Variants in TCF7L1 observed in about 807,000 individuals in gnomAD.
TCF7L1 encodes transcription factor 7 like 1.
In TCF7L1, 18 loss-of-function variants were observed where a neutral mutation model predicts 63.7. That is an observed-to-expected ratio of 0.28 (90% CI 0.20 to 0.42). The LOEUF (loss-of-function observed/expected upper bound fraction) is 0.42. Among genes scored for constraint, TCF7L1 ranks in the 10% least tolerant of loss-of-function variants. The pLI is 1.00. For synonymous variants in TCF7L1, 355 were observed against 340.9 expected (o/e 1.04, Z -0.46); for missense variants, 654 against 779.3 (o/e 0.84, Z 1.91).
At position 85,214,430 on chromosome 2, in the gene TCF7L1, G is replaced by A. The variant is rs1025509084; in HGVS notation, c.442-69065G>A. On this transcript the variant is annotated intron_variant, in intron 3 of 11. Coordinates refer to ENST00000282111, the MANE Select transcript of TCF7L1 (RefSeq NM_031283.3). ...CCGATAGGACTAGTTGTGTTATCTC[G>A]AGTTTTCGTTGTTGGTAGTTTTGAA... Among the ~76,000 whole-genome samples, 9 of 152,296 alleles carry A rather than the reference G, an allele frequency of 5.9e-5. No homozygotes were observed. In the South Asian group the frequency reaches 1.5e-3, roughly 25 times the overall value.
chr2:85,226,335 A>C (rs554769268), intron 3 of TCF7L1, among the ~76,000 whole-genome samples: 1 of 152,314 alleles, frequency 6.6e-6, no homozygotes, highest in African/African-American at 2.4e-5. Context: ...TGATTGGAAT[A>C]GTTTCAGAAG....
Position 85,308,378 on chromosome 2 carries a change from T to A in TCF7L1, c.1334-651T>A, listed in dbSNP as rs78480770. Among the ~76,000 whole-genome samples, 149 of 125,556 alleles carry A rather than the reference T, an allele frequency of 1.2e-3. 3 individuals are homozygous for A. The highest frequency in any genetic ancestry group is 1.6e-3 in the Non-Finnish European group (91 of 58,296). 82.4% of individuals were successfully genotyped at this position (125,556 alleles called of 152,430 possible). On this transcript the variant is annotated intron_variant, in intron 11 of 11. Coordinates refer to ENST00000282111, the MANE Select transcript of TCF7L1 (RefSeq NM_031283.3). ...CTCCCTCCCTTTCTTCCTCCCTCCC[T>A]TTCACCTTCCCTCCCATTCTCCTTC...
chr2:85,258,917 C>T (rs924209913), intron 3 of TCF7L1, among the ~76,000 whole-genome samples: 6 of 152,216 alleles, frequency 3.9e-5, no homozygotes, highest in Admixed American at 6.5e-5. Flanking sequence ...AACATGAATA[C>T]GTTGGTTCTA....
intron 3 of TCF7L1, among the ~76,000 whole-genome samples, chr2:85,236,172 C>T (rs543604540): frequency 3.0e-5 from 4 of 134,568 alleles, no homozygotes; most frequent in South Asian, 4.2e-4. Flanking sequence ...CATCCCCCCC[C>T]CAAAAAAAAC....
rs557264302 is a variant in TCF7L1, at chr2:85,133,950, G to A, written c.249+17G>A. ...GACTCGGAGGTAAGGAAGCACCGCG[G>A]CCACCCCCGGGGGATCCCGGCCCTG... On this transcript the variant is annotated intron_variant, in intron 1 of 11. Transcript: ENST00000282111. The surrounding 1 kb of genome is among the most constrained non-coding windows in gnomAD (Gnocchi z 4.4). 1.9e-6 allele frequency: 3 copies of A among 1,552,994 alleles called. No homozygotes were observed. The Admixed American group carries it at 5.6e-5, about 29-fold the overall frequency.
intron 3 of TCF7L1, among the ~76,000 whole-genome samples, chr2:85,252,937 T>C (rs1254369178): frequency 6.6e-6 from 1 of 152,218 alleles, no homozygotes; most frequent in African/African-American, 2.4e-5. Context: ...TGATCTCTAT[T>C]GCTTTACTTT....
At chr2:85,298,916 T>TA (rs1681896657) in intron 4 of TCF7L1, among the ~76,000 whole-genome samples, 1 of 152,010 alleles carries the variant, frequency 6.6e-6, no homozygotes, top group Non-Finnish European at 1.5e-5. Flanking sequence ...ACTATCTACT[T>TA]ACCGCCTTCC....
At chr2:85,141,101 C>T (rs1407534564) in intron 3 of TCF7L1, among the ~76,000 whole-genome samples, 1 of 152,112 alleles carries the variant, frequency 6.6e-6, no homozygotes, top group Non-Finnish European at 1.5e-5. Flanking sequence ...GCCTGTACAA[C>T]ATTGCAAGAC....
intron 3 of TCF7L1, among the ~76,000 whole-genome samples, chr2:85,225,313 G>T (rs1229293490): frequency 6.6e-6 from 1 of 152,190 alleles, no homozygotes; most frequent in Admixed American, 6.5e-5. Flanking sequence ...ATTCTGTGAA[G>T]AAAGTCAGTG....
chr2:85,251,091 T>C (rs988368116), intron 3 of TCF7L1, among the ~76,000 whole-genome samples: 1 of 152,254 alleles, frequency 6.6e-6, no homozygotes, highest in African/African-American at 2.4e-5. Flanking sequence ...ATTTAGGAGT[T>C]AAACAGATGG....
At chr2:85,251,883 G>A (rs111534217) in intron 3 of TCF7L1, among the ~76,000 whole-genome samples, 1,962 of 152,194 alleles carry the variant, frequency 0.013, 34 homozygotes, top group Non-Finnish European at 0.019. Flanking sequence ...AGACCAGCCT[G>A]GGTAACACAG....
At chr2:85,272,667 T>C (rs1197400785) in intron 3 of TCF7L1, among the ~76,000 whole-genome samples, 2 of 151,666 alleles carry the variant, frequency 1.3e-5, no homozygotes, top group African/African-American at 4.8e-5. Flanking sequence ...GTGTGGTGCT[T>C]GCCTGTAGTC....
intron 3 of TCF7L1, among the ~76,000 whole-genome samples, chr2:85,163,359 A>T (rs772584273): frequency 1.3e-5 from 2 of 152,234 alleles, no homozygotes; most frequent in Middle Eastern, 6.8e-3. Flanking sequence ...CCATAAGACC[A>T]TGGGCTGGTG....
chr2:85,134,802 G>A lies in TCF7L1; in HGVS notation c.441+352G>A, dbSNP rs898664941. Among the ~76,000 whole-genome samples the A allele has an allele frequency of 2.6e-5, 4 of 152,136 alleles. No individual in the cohort carries two copies. Among genetic ancestry groups the A allele is most frequent in the Admixed American group, 2.6e-4 (4 of 15,274 alleles). ...CTTGGAAATCGGTCAGCTTTCTCTG[G>A]CAGTGGGGCAAGGGGCCTAGGGAGC... is the stretch of plus-strand genomic sequence containing the variant. On this transcript the variant is annotated intron_variant, in intron 3 of 11. Coordinates refer to ENST00000282111, the MANE Select transcript of TCF7L1 (RefSeq NM_031283.3). This position sits in a 1 kb window ranked among gnomAD's most constrained non-coding sequence, Gnocchi z 5.0.
chr2:85,283,882 C>T (rs1039729875), intron 4 of TCF7L1, among the ~76,000 whole-genome samples: 7 of 152,366 alleles, frequency 4.6e-5, no homozygotes, highest in South Asian at 4.1e-4. Flanking sequence ...CATCTGAACC[C>T]GCTGCCCACT....
intron 5 of TCF7L1, chr2:85,303,599 C>A (rs1682035637): frequency 3.3e-6 from 1 of 307,544 alleles, no homozygotes. Context: ...CTTGTGGGTC[C>A]TGTCCCTCTC....
intron 3 of TCF7L1, among the ~76,000 whole-genome samples, chr2:85,174,602 T>G (rs780593544): frequency 6.6e-5 from 10 of 152,170 alleles, no homozygotes; most frequent in Non-Finnish European, 1.3e-4. Context: ...TCTGTGCTGG[T>G]GTGCAGTGTG....
In TCF7L1 at chr2:85,173,760, G is replaced by T. The variant is rs964233270; in HGVS notation, c.441+39310G>T. Among the ~76,000 whole-genome samples the T allele has an allele frequency of 3.5e-4, 52 of 149,446 alleles. 1 individual carries two copies. The highest frequency in any genetic ancestry group is 2.8e-3 in the Admixed American group (42 of 15,134). On this transcript the variant is annotated intron_variant, in intron 3 of 11. Coordinates refer to ENST00000282111, the MANE Select transcript of TCF7L1 (RefSeq NM_031283.3). ...AATTCATTCTTTTTTTTTCTGAGAC[G>T]GAGTCTGTCTCTGTTGCCTAGGCTG...
chr2:85,165,516 C>T (rs911976619), intron 3 of TCF7L1, among the ~76,000 whole-genome samples: 3 of 152,172 alleles, frequency 2.0e-5, no homozygotes, highest in Admixed American at 6.5e-5. Flanking sequence ...TGCCTTGAGA[C>T]GTGACCTTCT....
Sources: allele counts gnomAD v4.1 joint callset (sites outside exome capture counted in the v4.1 genomes callset), GRCh38; gene constraint gnomAD v4.1.1; non-coding constraint Gnocchi (gnomAD v3.1); transcripts MANE v1.5; gene names NCBI Gene and HGNC (gene_info 2026-07-23, HGNC 2026-07-21).